OR1J2: variants seen among roughly 807,000 people sequenced by gnomAD.
OR1J2 encodes the protein olfactory receptor family 1 subfamily J member 2.
For missense variants in OR1J2, 304 were observed against 246.1 expected (o/e 1.24, Z -1.57); for synonymous variants, 142 against 99.7 (o/e 1.42, Z -2.52).
At chr9:122,519,316 T>G in the OR1J2 span, 1 of 1,614,134 alleles carries the variant, frequency 6.2e-7, no homozygotes, top group Non-Finnish European at 8.5e-7. Context: ...CACACCCCCA[T>G]GTTCTTCTTC....
the OR1J2 span, among the ~76,000 whole-genome samples, chr9:122,460,936 G>C: frequency 6.6e-6 from 1 of 151,932 alleles, no homozygotes; most frequent in East Asian, 1.9e-4. Flanking sequence ...TGTATAACAG[G>C]GCTACTGATT....
At chr9:122,541,926 C>T in the OR1J2 span, among the ~76,000 whole-genome samples, 2 of 152,212 alleles carry the variant, frequency 1.3e-5, no homozygotes, top group African/African-American at 2.4e-5. Flanking sequence ...CCAATGTAAA[C>T]ACCCCACAGA....
the OR1J2 span, among the ~76,000 whole-genome samples, chr9:122,481,592 A>G: frequency 1.2e-4 from 18 of 152,362 alleles, no homozygotes; most frequent in African/African-American, 4.3e-4. Context: ...GCCAATAAAC[A>G]TATTAAGCAT....
the OR1J2 span, among the ~76,000 whole-genome samples, chr9:122,564,148 A>G: frequency 6.6e-6 from 1 of 152,186 alleles, no homozygotes. Flanking sequence ...TCCAGGAGAC[A>G]CGAAACATCA....
the OR1J2 span, among the ~76,000 whole-genome samples, chr9:122,536,329 G>T: frequency 6.6e-6 from 1 of 152,138 alleles, no homozygotes; most frequent in African/African-American, 2.4e-5. Flanking sequence ...AATGGCATAT[G>T]ACTTATCTTT....
At chr9:122,477,641 C>G in the OR1J2 span, 1 of 1,614,136 alleles carries the variant, frequency 6.2e-7, no homozygotes, top group Non-Finnish European at 8.5e-7. Context: ...GAAATGCATC[C>G]CTTGTAAAAG....
At chr9:122,568,495 T>C in the OR1J2 span, 7 of 1,470,382 alleles carry the variant, frequency 4.8e-6, no homozygotes, top group Non-Finnish European at 6.5e-6. Context: ...GGCTCAGTTA[T>C]AAACAAGAAG....
At chr9:122,573,421 T>G in the OR1J2 span, among the ~76,000 whole-genome samples, 1 of 152,226 alleles carries the variant, frequency 6.6e-6, no homozygotes, top group East Asian at 1.9e-4. Flanking sequence ...TGTTTAGGAA[T>G]GTTTATGTTT....
the OR1J2 span, among the ~76,000 whole-genome samples, chr9:122,571,054 G>A: frequency 2.0e-5 from 3 of 152,090 alleles, no homozygotes; most frequent in Non-Finnish European, 4.4e-5. Context: ...TCGTGCATTG[G>A]TGCTATGTTT....
At chr9:122,514,620 TTG>T (rs1416683061), downstream of OR1J2, among the ~76,000 whole-genome samples, 1 of 152,216 alleles carries the variant, frequency 6.6e-6, no homozygotes. Flanking sequence ...GTGAGATACT[TTG>T]ACTTTCTCCT....
downstream of OR1J2, among the ~76,000 whole-genome samples, chr9:122,513,752 C>G (rs961765397): frequency 6.6e-6 from 1 of 151,996 alleles, no homozygotes; most frequent in Non-Finnish European, 1.5e-5. Context: ...TCCATGTGCT[C>G]TCATCATTCA....
At chr9:122,527,009 G>T in the OR1J2 span, 1 of 1,614,188 alleles carries the variant, frequency 6.2e-7, no homozygotes, top group South Asian at 1.1e-5. Flanking sequence ...TTTGCGTGAG[G>T]CAACCCGTAT....
rs1404720499 is a variant in OR1J2 at position 122,511,501 on chromosome 9, A to T, written c.700A>T (p.Ile234Phe). Residue 234 changes from isoleucine (I) to phenylalanine (F), a missense_variant, in exon 1 of 1, where the codon ATC becomes TTC. Ile to Phe is a conservative substitution (Grantham distance 21, BLOSUM62 0). Transcript: ENST00000335302. ...TILRVPSTKG[I>F]HKALSTCGSH... is the part of the protein sequence containing the mutation. ...CCTGAGGGTCCCTTCAACCAAAGGG[A>T]TCCACAAAGCATTGTCCACATGTGG... 2 of 780,974 alleles carry T rather than the reference A, an allele frequency of 2.6e-6. No individual in the cohort carries two copies. Among genetic ancestry groups the T allele is most frequent in the Non-Finnish European group, 4.8e-6 (2 of 418,100 alleles). The allele number at this position is 780,974 out of a possible 1,614,324, so 48.4% of individuals were successfully genotyped here.
the OR1J2 span, among the ~76,000 whole-genome samples, chr9:122,545,237 C>T: frequency 6.6e-6 from 1 of 151,876 alleles, no homozygotes; most frequent in African/African-American, 2.4e-5. Flanking sequence ...TATTTTATGG[C>T]CCTCTCTATG....
the OR1J2 span, among the ~76,000 whole-genome samples, chr9:122,495,758 A>C: frequency 6.6e-6 from 1 of 151,694 alleles, no homozygotes. Flanking sequence ...GTGTTAAAGA[A>C]CCTTGTTTTG....
upstream of OR1J2, among the ~76,000 whole-genome samples, chr9:122,509,456 G>C (rs1436101314): frequency 6.6e-6 from 1 of 152,186 alleles, no homozygotes; most frequent in Non-Finnish European, 1.5e-5. Context: ...TATAATTTAA[G>C]ATAATGTCAC....
At chr9:122,556,590 C>T in the OR1J2 span, among the ~76,000 whole-genome samples, 1 of 151,972 alleles carries the variant, frequency 6.6e-6, no homozygotes, top group Non-Finnish European at 1.5e-5. Context: ...GCCTAGATGA[C>T]AGGTTGAAAG....
chr9:122,561,908 GC>G, the OR1J2 span, among the ~76,000 whole-genome samples: 2 of 152,176 alleles, frequency 1.3e-5, no homozygotes, highest in Non-Finnish European at 2.9e-5. Flanking sequence ...ACTCATCTGG[GC>G]TGCCCAGATT....
At chr9:122,567,948 T>C in the OR1J2 span, 1 of 1,613,920 alleles carries the variant, frequency 6.2e-7, no homozygotes. Flanking sequence ...ACAGAGAAAG[T>C]GGTGGATAAC....
Sources: allele counts gnomAD v4.1 joint callset (sites outside exome capture counted in the v4.1 genomes callset), GRCh38; gene constraint gnomAD v4.1.1; transcripts MANE v1.5; gene names NCBI Gene and HGNC (gene_info 2026-07-23, HGNC 2026-07-21).